Variants in MIA2 observed in about 807,000 individuals in gnomAD.
The protein encoded by MIA2 is MIA SH3 domain ER export factor 2.
A neutral mutation model predicts 167.8 loss-of-function variants in MIA2; 127 were observed. That is an observed-to-expected ratio of 0.76 (90% CI 0.66 to 0.88). The LOEUF is 0.88. Among genes scored for constraint, MIA2 ranks in the 40% least tolerant of loss-of-function variants. The probability of loss-of-function intolerance (pLI) is 0.00; values close to 1 mark genes in which losing one functional copy is unlikely to be tolerated. For synonymous variants in MIA2, 552 were observed against 541.9 expected (o/e 1.02, Z -0.26); for missense variants, 1,690 against 1,624.7 (o/e 1.04, Z -0.69).
rs373733467 is a variant in MIA2, at chr14:39,298,439, A to G, written c.2497-1425A>G. Among the ~76,000 whole-genome samples, 32 of 75,378 alleles carry G rather than the reference A, an allele frequency of 4.2e-4. 3 individuals carry two copies. Among genetic ancestry groups the G allele is most frequent in the South Asian group, 2.1e-3 (4 of 1,924 alleles). 49.5% of individuals were successfully genotyped at this position (75,378 alleles called of 152,430 possible). On this transcript the variant is annotated intron_variant, in intron 13 of 28. Coordinates refer to ENST00000640607, the MANE Select transcript of MIA2 (RefSeq NM_001329214.4). ...TATATATATATATATATATATATAT[A>G]TATAAAGATTAGTTTTTCATGTGTT...
chr14:39,346,348 T>G (rs1205841047), intron 26 of MIA2, among the ~76,000 whole-genome samples: 1 of 152,182 alleles, frequency 6.6e-6, no homozygotes, highest in Non-Finnish European at 1.5e-5. Flanking sequence ...ATCAGGGAAA[T>G]AAGCCAGGCA....
intron 25 of MIA2, among the ~76,000 whole-genome samples, chr14:39,338,217 C>T (rs2070895779): frequency 6.6e-6 from 1 of 152,134 alleles, no homozygotes; most frequent in African/African-American, 2.4e-5. Flanking sequence ...TGTAAAATGT[C>T]ATAGAACTAG....
intron 6 of MIA2, chr14:39,266,202 A>T (rs186117861): frequency 1.0e-6 from 1 of 985,344 alleles, no homozygotes; most frequent in East Asian, 1.1e-4. Context: ...TTGCTTCACC[A>T]AAGTACTTGA....
At chr14:39,343,746 T>A (rs550453932) in intron 25 of MIA2, among the ~76,000 whole-genome samples, 1 of 152,320 alleles carries the variant, frequency 6.6e-6, no homozygotes, top group South Asian at 2.1e-4. Context: ...CAGTCTTTAA[T>A]TGGTCATATG....
chr14:39,372,848 ACTT>A (rs2074974408), intron 23 of MIA2, among the ~76,000 whole-genome samples: 1 of 152,192 alleles, frequency 6.6e-6, no homozygotes, highest in South Asian at 2.1e-4. Context: ...CTGTAGTAAT[ACTT>A]AAGACTAGTT....
intron 6 of MIA2, among the ~76,000 whole-genome samples, chr14:39,269,700 T>C (rs2056784902): frequency 6.6e-6 from 1 of 152,062 alleles, no homozygotes. Flanking sequence ...TTTGTATTTT[T>C]TGTAGAGACA....
At chr14:39,288,449 A>AT (rs1566746769) in intron 9 of MIA2, among the ~76,000 whole-genome samples, 48 of 4,366 alleles carry the variant, frequency 0.011, 4 homozygotes, top group East Asian at 0.02. Flanking sequence ...ATATATATAT[A>AT]TATATATATA....
intron 23 of MIA2, among the ~76,000 whole-genome samples, chr14:39,358,432 G>T (rs2074588515): frequency 6.6e-6 from 1 of 152,108 alleles, no homozygotes; most frequent in South Asian, 2.1e-4. Flanking sequence ...CTCTGCATTG[G>T]TTATTCTAGT....
chr14:39,299,840 C>A, intron 13 of MIA2, 24 bp from the exon 14 acceptor site: 1 of 1,591,890 alleles, frequency 6.3e-7, no homozygotes. Flanking sequence ...TGATGAGTTG[C>A]ATTTTTAAAA....
At position 39,342,016 on chromosome 14, in the gene MIA2, T is replaced by A. The variant is rs578043518; in HGVS notation, c.3656-3888T>A. Reference sequence around the variant, plus strand: ...TTGGTGAACAACACAAATTGAGATTTAAAAAAAAAATTTTATTATACTCTA... The same window carrying A: ...TTGGTGAACAACACAAATTGAGATTAAAAAAAAAAATTTTATTATACTCTA... On this transcript the variant is annotated intron_variant, in intron 25 of 28. Transcript: ENST00000640607. Among the ~76,000 whole-genome samples, 383 of 151,198 alleles carry A rather than the reference T, an allele frequency of 2.5e-3. 2 individuals are homozygous for A. Among genetic ancestry groups the A allele is most frequent in the Non-Finnish European group, 4.8e-3 (324 of 67,696 alleles).
At chr14:39,269,076 T>TTTTG in intron 6 of MIA2, 1 of 301,642 alleles carries the variant, frequency 3.3e-6, no homozygotes, top group Non-Finnish European at 3.7e-6. Flanking sequence ...CCTGCACAGT[T>TTTTG]TTTTTTTTTT....
intron 13 of MIA2, among the ~76,000 whole-genome samples, chr14:39,295,816 C>T (rs953416056): frequency 6.6e-6 from 1 of 152,170 alleles, no homozygotes; most frequent in South Asian, 2.1e-4. Context: ...CCTCGGCCTC[C>T]TAAAGTGTTG....
chr14:39,345,704 T>C (rs964145446), intron 25 of MIA2, among the ~76,000 whole-genome samples, 200 bp from the exon 26 acceptor site: 3 of 152,210 alleles, frequency 2.0e-5, no homozygotes, highest in Non-Finnish European at 2.9e-5. Context: ...AAGTAGCAGA[T>C]TATGCTTGTG....
At chr14:39,294,901 C>G (rs1442939696) in intron 12 of MIA2, 24 bp from the exon 13 acceptor site, 3 of 1,469,874 alleles carry the variant, frequency 2.0e-6, no homozygotes, top group African/African-American at 2.8e-5. Context: ...TTGTTACAAA[C>G]TTGACATTTT....
chr14:39,249,864 C>T (rs1258415973), intron 4 of MIA2, among the ~76,000 whole-genome samples: 2 of 152,126 alleles, frequency 1.3e-5, no homozygotes, highest in Admixed American at 6.5e-5. Flanking sequence ...TCCATTAGAA[C>T]CAGGTGATTT....
chr14:39,249,733 T>C (rs2054475682), intron 4 of MIA2, among the ~76,000 whole-genome samples: 1 of 152,168 alleles, frequency 6.6e-6, no homozygotes, highest in African/African-American at 2.4e-5. Context: ...TCCATCCTTA[T>C]GACTCTATGA....
At position 39,251,600 on chromosome 14, in the gene MIA2, A is replaced by G. The variant is rs1308704650; in HGVS notation, c.1568-1148A>G. On this transcript the variant is annotated intron_variant, in intron 4 of 28. Coordinates refer to ENST00000640607, the MANE Select transcript of MIA2 (RefSeq NM_001329214.4). ...TGAATAATCCTTTTTTTCTTATAGC[A>G]TAAAACATTATTGTAGATCACTACT... Among the ~76,000 whole-genome samples, 7 of 152,230 alleles carry G rather than the reference A, an allele frequency of 4.6e-5. No homozygotes were observed. In the South Asian group the frequency reaches 8.3e-4, roughly 18 times the overall value.
chr14:39,244,081 A>G (rs756886417), intron 3 of MIA2, among the ~76,000 whole-genome samples: 10 of 152,252 alleles, frequency 6.6e-5, no homozygotes, highest in Non-Finnish European at 1.3e-4. Context: ...CTTTCTGGCT[A>G]TAGGGCAGGG....
At chr14:39,340,010 TTTTTAAA>T (rs2071425212) in intron 25 of MIA2, among the ~76,000 whole-genome samples, 2 of 152,142 alleles carry the variant, frequency 1.3e-5, no homozygotes, top group South Asian at 4.1e-4. Flanking sequence ...TAATGCCTAA[TTTTTAAA>T]TTTTCTGTAG....
Sources: allele counts gnomAD v4.1 joint callset (sites outside exome capture counted in the v4.1 genomes callset), GRCh38; gene constraint gnomAD v4.1.1; transcripts MANE v1.5; gene names NCBI Gene and HGNC (gene_info 2026-07-23, HGNC 2026-07-21).